The following TBC1D8 variants were observed in gnomAD, a reference collection of about 807,000 sequenced individuals.
TBC1D8 encodes TBC1 domain family member 8.
TBC1D8 carries 65 observed loss-of-function variants against 118.8 expected under a neutral mutation model. The ratio of observed to expected loss-of-function variants is 0.55; its 90% CI spans 0.45 to 0.67. The LOEUF is 0.67. TBC1D8 is among the 30% of genes least tolerant of loss of function. The probability of loss-of-function intolerance (pLI) is 0.00; values close to 1 mark genes in which losing one functional copy is unlikely to be tolerated. For synonymous variants in TBC1D8, 566 were observed against 595.8 expected (o/e 0.95, Z 0.73); for missense variants, 1,376 against 1,471.2 (o/e 0.94, Z 1.06).
At chr2:101,050,378 C>T in intron 5 of TBC1D8, 23 bp downstream of exon 5, 1 of 1,602,152 alleles carries the variant, frequency 6.2e-7, no homozygotes, top group East Asian at 2.2e-5. Context: ...GGGTGGGAGA[C>T]ACTCTAGAAC....
chr2:101,037,420 T>C, intron 8 of TBC1D8, 112 bp downstream of exon 8: 1 of 1,456,328 alleles, frequency 6.9e-7, no homozygotes, highest in Non-Finnish European at 9.2e-7. Context: ...AGGAGGAGCG[T>C]TAGCTTCCCA....
intron 2 of TBC1D8, among the ~76,000 whole-genome samples, chr2:101,074,595 A>G (rs1001368498): frequency 2.0e-5 from 3 of 152,252 alleles, no homozygotes; most frequent in Non-Finnish European, 4.4e-5. Context: ...AACACCATAT[A>G]GAGCTTCAAA....
chr2:101,012,381 T>C (rs1441524126), intron 17 of TBC1D8, among the ~76,000 whole-genome samples: 1 of 152,226 alleles, frequency 6.6e-6, no homozygotes, highest in Admixed American at 6.5e-5. Flanking sequence ...AATGAAGCAC[T>C]GACGCATGCT....
intron 2 of TBC1D8, among the ~76,000 whole-genome samples, chr2:101,078,316 A>G (rs185514638): frequency 6.6e-5 from 10 of 152,320 alleles, no homozygotes; most frequent in African/African-American, 2.4e-4. Context: ...CTTGACTCAA[A>G]GAGACTTTAG....
At chr2:101,124,822 AGGC>A (rs1678282119) in intron 1 of TBC1D8, among the ~76,000 whole-genome samples, 1 of 152,208 alleles carries the variant, frequency 6.6e-6, no homozygotes, top group Non-Finnish European at 1.5e-5. Flanking sequence ...AGTGATGAAG[AGGC>A]TGGGTGGCCA....
chr2:101,104,375 TA>T (rs1234124765), intron 1 of TBC1D8, among the ~76,000 whole-genome samples: 1 of 152,180 alleles, frequency 6.6e-6, no homozygotes, highest in African/African-American at 2.4e-5. Flanking sequence ...AAAGTTGATA[TA>T]AAAATGTCAA....
At chr2:101,116,465 A>G (rs1677822035) in intron 1 of TBC1D8, among the ~76,000 whole-genome samples, 1 of 152,262 alleles carries the variant, frequency 6.6e-6, no homozygotes, top group South Asian at 2.1e-4. Flanking sequence ...TTAAACAAGC[A>G]GGTGCAAAGT....
At position 101,050,390 on chromosome 2, in the gene TBC1D8, G is replaced by A; in HGVS notation, c.872+11C>T. 6 of 1,611,606 alleles carry A rather than the reference G, an allele frequency of 3.7e-6. No individual in the cohort carries two copies. Among genetic ancestry groups the A allele is most frequent in the Non-Finnish European group, 4.2e-6 (5 of 1,179,056 alleles). ...TGCGGGTGGGAGACACTCTAGAACAGTCACTTTCACCTCTTGGTGATCTGG... is the reference window on the plus strand; with the variant it reads ...TGCGGGTGGGAGACACTCTAGAACAATCACTTTCACCTCTTGGTGATCTGG... On this transcript the variant is annotated intron_variant, in intron 5 of 19. Coordinates refer to ENST00000409318, the MANE Select transcript of TBC1D8 (RefSeq NM_001330348.2).
intron 1 of TBC1D8, among the ~76,000 whole-genome samples, chr2:101,150,164 C>T (rs570344716): frequency 1.1e-4 from 17 of 152,268 alleles, no homozygotes; most frequent in African/African-American, 4.1e-4. Context: ...CCAGACTCAA[C>T]CTCAAAAAGG....
At chr2:101,134,197 TCACA>T (rs59427291) in intron 1 of TBC1D8, among the ~76,000 whole-genome samples, 18,099 of 70,824 alleles carry the variant, frequency 0.26, 1,166 homozygotes, top group Non-Finnish European at 0.29. Context: ...TCTCTCTCTC[TCACA>T]CACACACACA....
At chr2:101,123,835 C>T (rs1193348963) in intron 1 of TBC1D8, among the ~76,000 whole-genome samples, 1 of 152,232 alleles carries the variant, frequency 6.6e-6, no homozygotes, top group Non-Finnish European at 1.5e-5. Flanking sequence ...CAGGGAGCTT[C>T]CATGGCCTCT....
intron 2 of TBC1D8, among the ~76,000 whole-genome samples, chr2:101,063,647 G>A (rs1028680249): frequency 7.2e-5 from 11 of 152,164 alleles, no homozygotes; most frequent in East Asian, 1.9e-4. Flanking sequence ...GTCCGTGACC[G>A]CAAAAGATTA....
At position 101,028,108 on chromosome 2, in the gene TBC1D8, T is replaced by C. The variant is rs149838585; in HGVS notation, c.2391A>G (p.Leu797=). The C allele has an allele frequency of 2.5e-6, 4 of 1,613,898 alleles. No homozygotes were observed. The East Asian group carries it at 8.9e-5, about 36-fold the overall frequency. The change falls in exon 14 of 20, where the codon CTA becomes CTG. Residue 797 remains leucine, a synonymous_variant. Transcript: ENST00000409318. ...GGACCCTGATCCTGTGCTTGTAACG[T>C]AGGTGCTCGATCTGCTCCACAGACT... ...GDQSVEQIEH[L]RYKHRIRVLQ...
At chr2:101,149,379 C>G (rs1414368064) in intron 1 of TBC1D8, among the ~76,000 whole-genome samples, 4 of 152,176 alleles carry the variant, frequency 2.6e-5, no homozygotes, top group African/African-American at 9.7e-5. Context: ...CTATGGCCAG[C>G]TCTGCCCTCC....
At chr2:101,087,721 C>T (rs1165471958) in intron 2 of TBC1D8, among the ~76,000 whole-genome samples, 1 of 149,826 alleles carries the variant, frequency 6.7e-6, no homozygotes. Context: ...TAAGTGAGAA[C>T]TGAGCTAAAC....
chr2:101,096,419 CA>C (rs55824667), intron 1 of TBC1D8, among the ~76,000 whole-genome samples: 3,376 of 43,274 alleles, frequency 0.078, 6 homozygotes, highest in African/African-American at 0.14. Context: ...TGGCTTTTGA[CA>C]AAAAAAAAAA....
chr2:101,043,337 G>A (rs938807641), intron 5 of TBC1D8, among the ~76,000 whole-genome samples: 1 of 152,222 alleles, frequency 6.6e-6, no homozygotes, highest in African/African-American at 2.4e-5. Flanking sequence ...AGCTGACTAT[G>A]TCTGGTGCAT....
rs989581793 is a variant in TBC1D8, at chr2:101,122,609, C to T, written c.127+28518G>A. Among the ~76,000 whole-genome samples, 8 of 152,124 alleles carry T rather than the reference C, an allele frequency of 5.3e-5. No homozygotes were observed. In the East Asian group the frequency reaches 1.5e-3, roughly 29 times the overall value. ...ATCTTTTCCAATAATACTCTATTGA[C>T]GATTTTGTTACGTTTCATTCCCAAG... On this transcript the variant is annotated intron_variant, in intron 1 of 19. Coordinates refer to ENST00000409318, the MANE Select transcript of TBC1D8 (RefSeq NM_001330348.2).
At chr2:101,011,255 G>C (rs1679185416) in intron 18 of TBC1D8, 196 bp downstream of exon 18, 1 of 692,366 alleles carries the variant, frequency 1.4e-6, no homozygotes, top group African/African-American at 1.8e-5. Flanking sequence ...ACTTGGTGGT[G>C]GGGGCAAGGG....
Sources: gnomAD v4.1 joint callset for allele counts (sites outside exome capture counted in the v4.1 genomes callset) on GRCh38, gnomAD v4.1.1 for gene constraint, MANE v1.5 for transcripts, NCBI Gene and HGNC (gene_info 2026-07-23, HGNC 2026-07-21) for gene names.